PPARGC1A: variants seen among roughly 807,000 people sequenced by gnomAD.
PPARGC1A encodes the protein PPARG coactivator 1 alpha.
A neutral mutation model predicts 88.7 loss-of-function variants in PPARGC1A; 25 were observed. The ratio of observed to expected loss-of-function variants is 0.28; its 90% CI spans 0.21 to 0.39. The LOEUF (loss-of-function observed/expected upper bound fraction) is 0.39, where lower values mean the gene tolerates loss of function less well. Among genes scored for constraint, PPARGC1A ranks in the 10% least tolerant of loss-of-function variants. PPARGC1A has a pLI of 1.00. For missense variants in PPARGC1A, 880 were observed against 968.7 expected, an observed-to-expected ratio of 0.91 and a Z score of 1.22; for synonymous variants, 363 against 355.6, an observed-to-expected ratio of 1.02 and a Z score of -0.24.
the PPARGC1A span, among the ~76,000 whole-genome samples, chr4:24,441,203 G>A: frequency 6.6e-6 from 1 of 152,200 alleles, no homozygotes; most frequent in South Asian, 2.1e-4. Flanking sequence ...CACCCAGAAT[G>A]TCATGCTGCC....
Position 23,815,747 on chromosome 4 carries a change from C to T in PPARGC1A, c.878-1142G>A, listed in dbSNP as rs541068369. ...GCAGGCTGGAGTTCAAATGAGTTTA[C>T]GCTTACAATGGAGCATTTTAGTTTA... On this transcript the variant is annotated intron_variant, in intron 7 of 12. Transcript: ENST00000264867. 5.9e-5 allele frequency among the ~76,000 whole-genome samples: 9 copies of T among 152,126 alleles called. No homozygotes were observed. In the South Asian group the frequency reaches 1.2e-3, roughly 21 times the overall value.
chr4:23,999,497 T>C, the PPARGC1A span, among the ~76,000 whole-genome samples: 3 of 152,258 alleles, frequency 2.0e-5, no homozygotes, highest in East Asian at 5.8e-4. Flanking sequence ...AAGATGTGAA[T>C]GGTCTGGGTT....
In PPARGC1A at chr4:23,813,063, T is replaced by C. The variant is rs1159643881; in HGVS notation, c.1856A>G (p.Tyr619Cys). The C allele has an allele frequency of 1.2e-6, 2 of 1,614,002 alleles. No homozygotes were observed. Among genetic ancestry groups the C allele is most frequent in the Non-Finnish European group, 1.7e-6 (2 of 1,179,992 alleles). ...RHRTHRNSPL[Y>C]VRSRSRSPYS... ...GGGCGATCTTGAACGTGATCTCACA[T>C]ACAAGGGAGAATTTCGGTGCGTGCG... Residue 619 changes from tyrosine (Y) to cysteine (C), a missense_variant, in exon 9 of 13, where the codon TAT becomes TGT. Coordinates refer to ENST00000264867, the MANE Select transcript of PPARGC1A (RefSeq NM_013261.5).
At chr4:24,129,660 A>T in the PPARGC1A span, among the ~76,000 whole-genome samples, 2 of 152,204 alleles carry the variant, frequency 1.3e-5, no homozygotes, top group African/African-American at 2.4e-5. Flanking sequence ...TACCCAAAGG[A>T]TTATAAATCA....
chr4:24,278,719 T>C, the PPARGC1A span, among the ~76,000 whole-genome samples: 1 of 152,184 alleles, frequency 6.6e-6, no homozygotes, highest in Non-Finnish European at 1.5e-5. Context: ...CACACCGTGT[T>C]GCTATTTTGA....
At chr4:23,956,373 T>C in the PPARGC1A span, among the ~76,000 whole-genome samples, 3 of 152,218 alleles carry the variant, frequency 2.0e-5, no homozygotes, top group Non-Finnish European at 2.9e-5. Context: ...GGGACCACGA[T>C]CTCAGTAGCA....
At chr4:23,929,421 T>C in the PPARGC1A span, among the ~76,000 whole-genome samples, 4 of 152,220 alleles carry the variant, frequency 2.6e-5, no homozygotes, top group Non-Finnish European at 5.9e-5. Flanking sequence ...ACAGACCTTT[T>C]ATGTGGTTGA....
chr4:24,175,220 G>T, the PPARGC1A span, among the ~76,000 whole-genome samples: 1,471 of 152,092 alleles, frequency 9.7e-3, 19 homozygotes, highest in African/African-American at 0.033. Context: ...GGGAAACCTT[G>T]TATTATTTAC....
chr4:23,862,964 C>G lies in PPARGC1A; in HGVS notation c.234+21788G>C, dbSNP rs150318530. On this transcript the variant is annotated intron_variant, in intron 2 of 12. Coordinates refer to ENST00000264867, the MANE Select transcript of PPARGC1A (RefSeq NM_013261.5). ...GCCGCCCCACCTGCTTTACAATCTG[C>G]GCATCACATTCCTCTCTGCGCCTTC... 2.2e-3 allele frequency among the ~76,000 whole-genome samples: 339 copies of G among 152,256 alleles called. 2 individuals carry two copies. Among genetic ancestry groups the G allele is most frequent in the African/African-American group, 7.8e-3 (325 of 41,536 alleles).
chr4:23,834,256 T>C (rs1331083260), intron 2 of PPARGC1A, among the ~76,000 whole-genome samples: 1 of 151,940 alleles, frequency 6.6e-6, no homozygotes, highest in Non-Finnish European at 1.5e-5. Flanking sequence ...GTCAAGATCT[T>C]GCCACTGCAC....
the PPARGC1A span, among the ~76,000 whole-genome samples, chr4:24,133,198 G>C: frequency 5.3e-5 from 8 of 152,156 alleles, no homozygotes; most frequent in South Asian, 2.1e-4. Context: ...GGGGGGTGGT[G>C]GTGGGGGGGA....
At chr4:24,470,349 GAC>G in the PPARGC1A span, among the ~76,000 whole-genome samples, 2 of 132,222 alleles carry the variant, frequency 1.5e-5, no homozygotes, top group Non-Finnish European at 3.4e-5. This position sits in a 1 kb window ranked among gnomAD's most constrained non-coding sequence, Gnocchi z 5.8. Context: ...CAGGCACGCG[GAC>G]GCCCGCTCCT....
rs868246914 is a variant in PPARGC1A at position 23,793,833 on chromosome 4, A to G, written c.*1989T>C. The G allele has an allele frequency of 3.3e-5, 5 of 152,286 alleles. No individual in the cohort carries two copies. The highest frequency in any genetic ancestry group is 3.2e-3 in the Middle Eastern group (1 of 316). 9.4% of individuals were successfully genotyped at this position (152,286 alleles called of 1,614,324 possible). On this transcript the variant is annotated 3_prime_UTR_variant, in exon 13 of 13. Coordinates refer to ENST00000264867, the MANE Select transcript of PPARGC1A (RefSeq NM_013261.5). ...GCTTCTGCAAAAGCTGAATTTCCCA[A>G]ATGAAGCACTTACACTCCAACCTGA...
chr4:24,260,885 C>T, the PPARGC1A span, among the ~76,000 whole-genome samples: 1 of 152,160 alleles, frequency 6.6e-6, no homozygotes, highest in East Asian at 1.9e-4. Flanking sequence ...AGACTATCTT[C>T]ACCTGTTAGC....
the PPARGC1A span, among the ~76,000 whole-genome samples, chr4:24,022,885 C>A: frequency 1.3e-5 from 2 of 152,148 alleles, no homozygotes; most frequent in Admixed American, 6.5e-5. Context: ...AACCTAATCC[C>A]TCCTGACATA....
At chr4:23,988,219 C>T in the PPARGC1A span, among the ~76,000 whole-genome samples, 1 of 152,074 alleles carries the variant, frequency 6.6e-6, no homozygotes, top group Non-Finnish European at 1.5e-5. Context: ...CAGGCCTTTG[C>T]TATTGTGAAT....
the PPARGC1A span, among the ~76,000 whole-genome samples, chr4:24,323,211 C>G: frequency 3.0e-4 from 45 of 152,240 alleles, no homozygotes; most frequent in African/African-American, 1.0e-3. Flanking sequence ...GGGAGATTTT[C>G]TAGTCAAAAA....
At chr4:24,116,307 T>C in the PPARGC1A span, among the ~76,000 whole-genome samples, 2 of 152,210 alleles carry the variant, frequency 1.3e-5, no homozygotes, top group Admixed American at 6.5e-5. Flanking sequence ...AGTTAACCCT[T>C]TACCCTTACA....
the PPARGC1A span, among the ~76,000 whole-genome samples, chr4:24,424,575 G>A: frequency 1.3e-5 from 2 of 151,856 alleles, no homozygotes; most frequent in African/African-American, 4.8e-5. Flanking sequence ...GCGCCCAGCC[G>A]CTATACACAC....
Sources: allele counts gnomAD v4.1 joint callset (sites outside exome capture counted in the v4.1 genomes callset), GRCh38; gene constraint gnomAD v4.1.1; non-coding constraint Gnocchi (gnomAD v3.1); transcripts MANE v1.5; gene names NCBI Gene and HGNC (gene_info 2026-07-23, HGNC 2026-07-21).